The following HNRNPA2B1 variants were observed in gnomAD, a reference collection of about 807,000 sequenced individuals.
HNRNPA2B1 encodes the protein heterogeneous nuclear ribonucleoproteins A2/B1.
Under a neutral mutation model 46.3 loss-of-function variants are expected in HNRNPA2B1, and 3 were observed. The ratio of observed to expected loss-of-function variants is 0.06; its 90% CI spans 0.03 to 0.17. The LOEUF is 0.17. HNRNPA2B1 is among the 10% of genes least tolerant of loss of function. The pLI is 1.00. For synonymous variants in HNRNPA2B1, 225 were observed against 133.8 expected, an observed-to-expected ratio of 1.68 and a Z score of -4.70; for missense variants, 221 against 418.9, an observed-to-expected ratio of 0.53 and a Z score of 4.12.
chr7:26,192,807 C>T (rs1783057064), intron 9 of HNRNPA2B1, among the ~76,000 whole-genome samples: 1 of 152,188 alleles, frequency 6.6e-6, no homozygotes, highest in African/African-American at 2.4e-5. Context: ...TTCACCCTCT[C>T]ATCCTCATTT....
intron 1 of HNRNPA2B1, chr7:26,198,134 A>C (rs1235683113): frequency 6.2e-6 from 2 of 321,212 alleles, no homozygotes; most frequent in African/African-American, 4.3e-5. Flanking sequence ...CTAAAAACGC[A>C]AATTTCTATT....
intron 9 of HNRNPA2B1, 28 bp from the exon 10 acceptor site, chr7:26,192,605 A>G: frequency 6.3e-7 from 1 of 1,584,728 alleles, no homozygotes; most frequent in Non-Finnish European, 8.7e-7. Context: ...GCAAGAGAAA[A>G]CAAACTTACT....
At position 26,190,629 on chromosome 7, in the gene HNRNPA2B1, A is replaced by G. The variant is rs911754321; in HGVS notation, c.*1731T>C. ...ATAAAGCCGGGCAATCAAACTGATC[A>G]TATCTAAGGAATGAATTTCAACAGC... On this transcript the variant is annotated 3_prime_UTR_variant, in exon 11 of 11. Transcript: ENST00000618183. 4.6e-5 allele frequency: 7 copies of G among 152,216 alleles called. No individual in the cohort carries two copies. The highest frequency in any genetic ancestry group is 7.4e-5 in the Non-Finnish European group (5 of 68,024). The allele number at this position is 152,216 out of a possible 1,614,324, so 9.4% of individuals were successfully genotyped here. A position where few individuals can be genotyped will look rare whatever the true frequency, so the allele number is the denominator to read the frequency against.
At chr7:26,198,263 C>G (rs905712607) in intron 1 of HNRNPA2B1, 5 of 157,178 alleles carry the variant, frequency 3.2e-5, no homozygotes, top group African/African-American at 1.2e-4. Context: ...GGTGGTGATT[C>G]TAAGTATCTC....
intron 7 of HNRNPA2B1, chr7:26,195,586 C>G: frequency 2.1e-6 from 1 of 466,278 alleles, no homozygotes. Flanking sequence ...AAAGATATAT[C>G]TAGATCCAAT....
At chr7:26,200,465 T>C (rs571205137) in intron 1 of HNRNPA2B1, 107 bp downstream of exon 1, 6 of 1,131,038 alleles carry the variant, frequency 5.3e-6, no homozygotes, top group South Asian at 4.9e-5. Flanking sequence ...ACTGAATTGG[T>C]CCGATTTCCT....
At position 26,190,649 on chromosome 7, in the gene HNRNPA2B1, A is replaced by C. The variant is rs944622391; in HGVS notation, c.*1711T>G. 4.6e-5 allele frequency: 7 copies of C among 152,216 alleles called. No homozygotes were observed. The highest frequency in any genetic ancestry group is 1.7e-4 in the African/African-American group (7 of 41,464). The allele number at this position is 152,216 out of a possible 1,614,324, so 9.4% of individuals were successfully genotyped here. ...TGATCATATCTAAGGAATGAATTTC[A>C]ACAGCCAACCTACAACTTTCTCTTC... On this transcript the variant is annotated 3_prime_UTR_variant, in exon 11 of 11. Coordinates refer to ENST00000618183, the MANE Select transcript of HNRNPA2B1 (RefSeq NM_002137.4).
chr7:26,191,976 C>G lies in HNRNPA2B1; in HGVS notation c.*384G>C, dbSNP rs1310394943. 1 of 152,700 alleles carries G rather than the reference C, an allele frequency of 6.5e-6. No individual in the cohort carries two copies. Among genetic ancestry groups the G allele is most frequent in the Non-Finnish European group, 1.5e-5 (1 of 68,112 alleles). 9.5% of individuals were successfully genotyped at this position (152,700 alleles called of 1,614,324 possible). On this transcript the variant is annotated 3_prime_UTR_variant, in exon 11 of 11. Transcript: ENST00000618183. Reference sequence around the variant, plus strand: ...GATCCTGGCTAATAGCTTTTCAAAACTTTGAGAAAAATCTTAAAAAAGGTT... The same window carrying G: ...GATCCTGGCTAATAGCTTTTCAAAAGTTTGAGAAAAATCTTAAAAAAGGTT...
chr7:26,200,632 TCTC>T lies in HNRNPA2B1; in HGVS notation c.-58_-56del. 1 of 1,612,512 alleles carries T rather than the reference TCTC, an allele frequency of 6.2e-7. No homozygotes were observed. On this transcript the variant is annotated 5_prime_UTR_variant, in exon 1 of 11. Coordinates refer to ENST00000618183, the MANE Select transcript of HNRNPA2B1 (RefSeq NM_002137.4). ...CCGCAGCCGAGCGAGATGAGAGAGA[TCTC>T]CGCGGACGAACACGAACCGGACTCG...
chr7:26,200,496 G>GCTGGCCGACTTCCACTGAGGCGC, intron 1 of HNRNPA2B1, 76 bp downstream of exon 1: 1 of 1,465,774 alleles, frequency 6.8e-7, no homozygotes, highest in Non-Finnish European at 9.5e-7. Context: ...CACGGAGGCG[G>GCTGGCCGACTTCCACTGAGGCGC]CTGGCCGACT....
chr7:26,192,946 C>T (rs1583966511), intron 9 of HNRNPA2B1, among the ~76,000 whole-genome samples: 1 of 152,086 alleles, frequency 6.6e-6, no homozygotes, highest in Non-Finnish European at 1.5e-5. Context: ...ACTTCAAAGA[C>T]CCTCATTCCA....
intron 1 of HNRNPA2B1, 187 bp from the exon 2 acceptor site, chr7:26,197,919 T>G: frequency 7.1e-7 from 1 of 1,404,262 alleles, no homozygotes. Flanking sequence ...TTAAACTGCA[T>G]ATTAGTTGTG....
intron 6 of HNRNPA2B1, among the ~76,000 whole-genome samples, chr7:26,196,168 T>G (rs1434267786): frequency 6.6e-6 from 1 of 152,228 alleles, no homozygotes; most frequent in Non-Finnish European, 1.5e-5. Context: ...GGGTCAAAGC[T>G]TTTCGGATGA....
At position 26,191,769 on chromosome 7, in the gene HNRNPA2B1, A is replaced by G. The variant is rs139197882; in HGVS notation, c.*591T>C. 2.0e-3 allele frequency: 301 copies of G among 152,636 alleles called. 2 individuals are homozygous for G. Among genetic ancestry groups the G allele is most frequent in the African/African-American group, 7.0e-3 (291 of 41,576 alleles). The allele number at this position is 152,636 out of a possible 1,614,324, so 9.5% of individuals were successfully genotyped here. ...GCATTTATCTTATACAAATATAACAACAGCTTTGCAACGGACCTTAATTAT... is the reference window on the plus strand; with the variant it reads ...GCATTTATCTTATACAAATATAACAGCAGCTTTGCAACGGACCTTAATTAT... On this transcript the variant is annotated 3_prime_UTR_variant, in exon 11 of 11. Transcript: ENST00000618183.
intron 1 of HNRNPA2B1, 22 bp downstream of exon 1, chr7:26,200,550 T>G: frequency 6.2e-7 from 1 of 1,612,700 alleles, no homozygotes; most frequent in Non-Finnish European, 8.5e-7. Context: ...TTTCAATAAC[T>G]CATTGATTTC....
At chr7:26,199,570 A>G (rs1784109939) in intron 1 of HNRNPA2B1, 1 of 152,228 alleles carries the variant, frequency 6.6e-6, no homozygotes, top group Non-Finnish European at 1.5e-5. Context: ...AAAATGAGTC[A>G]GCTCTACAAC....
chr7:26,195,580 A>T (rs903570950), intron 7 of HNRNPA2B1: 5 of 419,022 alleles, frequency 1.2e-5, no homozygotes, highest in African/African-American at 2.1e-5. Context: ...ACGTACAAAG[A>T]TATATCTAGA....
At chr7:26,195,174 A>G (rs1162679995) in intron 7 of HNRNPA2B1, among the ~76,000 whole-genome samples, 1 of 151,930 alleles carries the variant, frequency 6.6e-6, no homozygotes, top group Non-Finnish European at 1.5e-5. Context: ...GTTAAATACA[A>G]GAACTCAGCT....
rs1017739453 is a variant in HNRNPA2B1, at chr7:26,190,290, A to T, written c.*2070T>A. The T allele has an allele frequency of 6.6e-6, 1 of 152,626 alleles. No homozygotes were observed. Among genetic ancestry groups the T allele is most frequent in the Non-Finnish European group, 1.5e-5 (1 of 68,028 alleles). 9.5% of individuals were successfully genotyped at this position (152,626 alleles called of 1,614,324 possible). A position where few individuals can be genotyped will look rare whatever the true frequency, so the allele number is the denominator to read the frequency against. On this transcript the variant is annotated 3_prime_UTR_variant, in exon 11 of 11. Coordinates refer to ENST00000618183, the MANE Select transcript of HNRNPA2B1 (RefSeq NM_002137.4). ...ATTTTGTAATTGTTTTATATCAAGAACCTCAACTAAATGTTTGTTTTATCA... is the reference window on the plus strand; with the variant it reads ...ATTTTGTAATTGTTTTATATCAAGATCCTCAACTAAATGTTTGTTTTATCA...
Sources: allele counts gnomAD v4.1 joint callset (sites outside exome capture counted in the v4.1 genomes callset), GRCh38; gene constraint gnomAD v4.1.1; transcripts MANE v1.5; gene names NCBI Gene and HGNC (gene_info 2026-07-23, HGNC 2026-07-21).